The following ZNF143 variants were observed in gnomAD, a reference collection of about 807,000 sequenced individuals.
ZNF143 encodes the protein SPH-binding factor.
In ZNF143, 49 loss-of-function variants were observed where a neutral mutation model predicts 74.1. The ratio of observed to expected loss-of-function variants is 0.66; its 90% CI spans 0.53 to 0.84. ZNF143 has a LOEUF of 0.84. ZNF143 is among the 40% of genes least tolerant of loss of function. ZNF143 has a pLI of 0.00. For missense variants in ZNF143, 637 were observed against 793.4 expected (o/e 0.80, Z 2.37); for synonymous variants, 304 against 282.8 (o/e 1.07, Z -0.75).
Position 9,474,551 on chromosome 11 carries a change from A to G in ZNF143, c.291A>G (p.Thr97=). Residue 97 remains threonine, a splice_region_variant and synonymous_variant, in exon 5 of 16, where the codon ACA becomes ACG. Transcript: ENST00000396602. ...YVQHVPIPKS[T]GDSLRLEDGQ... is the part of the protein sequence containing the mutation. ...CTAAATGTAAGCATTGTTCTTGAGCAGGGGACAGTTTGCGTCTAGAGGATG... is the reference window on the plus strand; with the variant it reads ...CTAAATGTAAGCATTGTTCTTGAGCGGGGGACAGTTTGCGTCTAGAGGATG... The G allele has an allele frequency of 6.2e-7, 1 of 1,614,156 alleles. No homozygotes were observed. The highest frequency in any genetic ancestry group is 8.5e-7 in the Non-Finnish European group (1 of 1,180,000).
intron 14 of ZNF143, among the ~76,000 whole-genome samples, chr11:9,519,477 T>C (rs1435103997): frequency 6.6e-6 from 1 of 152,188 alleles, no homozygotes; most frequent in Non-Finnish European, 1.5e-5. Context: ...ATTACATAAA[T>C]GGAACCACAG....
At chr11:9,480,094 G>T (rs570594316) in intron 7 of ZNF143, among the ~76,000 whole-genome samples, 2 of 152,094 alleles carry the variant, frequency 1.3e-5, no homozygotes, top group Admixed American at 1.3e-4. Flanking sequence ...CTGGCTTCCC[G>T]TGGTTCAAAT....
intron 1 of ZNF143, among the ~76,000 whole-genome samples, chr11:9,466,586 A>G (rs1856230735): frequency 6.6e-6 from 1 of 150,484 alleles, no homozygotes; most frequent in Admixed American, 6.6e-5. Flanking sequence ...GTGAGCCACC[A>G]CTCCCGGCAT....
intron 13 of ZNF143, among the ~76,000 whole-genome samples, chr11:9,515,835 A>C (rs1046661807): frequency 1.3e-5 from 2 of 151,812 alleles, no homozygotes; most frequent in Non-Finnish European, 2.9e-5. Flanking sequence ...ATGACAAGTA[A>C]TTAGTCGGGA....
intron 14 of ZNF143, among the ~76,000 whole-genome samples, chr11:9,520,097 C>T (rs1848864182): frequency 7.3e-6 from 1 of 136,206 alleles, no homozygotes; most frequent in Non-Finnish European, 1.5e-5. Flanking sequence ...AGTGCAGTGG[C>T]CCAATCTCGG....
At chr11:9,509,478 A>G (rs553706831) in intron 12 of ZNF143, among the ~76,000 whole-genome samples, 2 of 152,356 alleles carry the variant, frequency 1.3e-5, no homozygotes, top group African/African-American at 4.8e-5. Context: ...ATTATTTCAG[A>G]TAAATAAGCA....
rs1491546428 is a variant in ZNF143, at chr11:9,486,414, T to TATATATAATATATATTATATATATA, written c.645+6874_645+6875insAATATATATTATATATATAATATAT. Among the ~76,000 whole-genome samples the TATATATAATATATATTATATATATA allele has an allele frequency of 2.5e-3, 60 of 24,012 alleles. 9 individuals carry two copies. The highest frequency in any genetic ancestry group is 5.0e-3 in the East Asian group (6 of 1,202). 15.8% of individuals were successfully genotyped at this position (24,012 alleles called of 152,430 possible). A position where few individuals can be genotyped will look rare whatever the true frequency, so the allele number is the denominator to read the frequency against. On this transcript the variant is annotated intron_variant, in intron 7 of 15. Transcript: ENST00000396602. ...TATATATAATATATTATATATATAA[T>TATATATAATATATATTATATATATA]ATATATTATATATATTATATATATA... is the stretch of plus-strand genomic sequence containing the variant.
chr11:9,508,798 A>C lies in ZNF143; in HGVS notation c.1327A>C (p.Thr443Pro). 6.2e-7 allele frequency: 1 copy of C among 1,608,960 alleles called. No homozygotes were observed. The highest frequency in any genetic ancestry group is 8.5e-7 in the Non-Finnish European group (1 of 1,177,342). Residue 443 changes from threonine to proline, a missense_variant, in exon 12 of 16, where the codon ACT (threonine) becomes CCT (proline). Thr to Pro is a conservative substitution (Grantham distance 38). Coordinates refer to ENST00000396602, the MANE Select transcript of ZNF143 (RefSeq NM_003442.6). ...GCACAAACGGACAGCCCACAACGAC[A>C]CTGAGCCCATCGAGGAGGAGCAGGA... ...AMHKRTAHND[T>P]EPIEEEQEAF... is the part of the protein sequence containing the mutation.
At chr11:9,483,451 C>G (rs754994191) in intron 7 of ZNF143, among the ~76,000 whole-genome samples, 4 of 149,910 alleles carry the variant, frequency 2.7e-5, no homozygotes, top group African/African-American at 7.5e-5. Flanking sequence ...CACATGCCAC[C>G]GTGCCTGTCT....
intron 1 of ZNF143, among the ~76,000 whole-genome samples, chr11:9,470,027 A>G (rs1220564647): frequency 1.3e-5 from 2 of 152,204 alleles, no homozygotes; most frequent in Non-Finnish European, 2.9e-5. Context: ...TTAAATATTG[A>G]TGCTAAGTCA....
At chr11:9,488,615 C>G (rs144083357) in intron 7 of ZNF143, among the ~76,000 whole-genome samples, 42 of 152,262 alleles carry the variant, frequency 2.8e-4, no homozygotes, top group African/African-American at 9.9e-4. Flanking sequence ...CCTGTTAGAT[C>G]TTTTCATAGA....
chr11:9,519,076 A>G (rs1387155143), intron 14 of ZNF143, among the ~76,000 whole-genome samples: 1 of 152,212 alleles, frequency 6.6e-6, no homozygotes, highest in Non-Finnish European at 1.5e-5. Flanking sequence ...GAGTTATGTT[A>G]AATATGCACC....
chr11:9,508,193 C>T (rs181805900), intron 11 of ZNF143, among the ~76,000 whole-genome samples: 3 of 152,294 alleles, frequency 2.0e-5, no homozygotes, highest in East Asian at 1.9e-4. Flanking sequence ...GTTTAATAGA[C>T]TTTTAAAGAC....
At chr11:9,482,962 T>G (rs1847307470) in intron 7 of ZNF143, among the ~76,000 whole-genome samples, 1 of 151,412 alleles carries the variant, frequency 6.6e-6, no homozygotes, top group Admixed American at 6.6e-5. Context: ...TTCAATTGGT[T>G]ACTAGAGATT....
chr11:9,502,358 C>G (rs1848197894), intron 11 of ZNF143, among the ~76,000 whole-genome samples: 1 of 147,076 alleles, frequency 6.8e-6, no homozygotes, highest in Admixed American at 6.9e-5. Flanking sequence ...GCCTGTAATC[C>G]CAGCACTTTG....
At chr11:9,476,587 G>T (rs894784726) in intron 5 of ZNF143, among the ~76,000 whole-genome samples, 3 of 151,624 alleles carry the variant, frequency 2.0e-5, no homozygotes, top group African/African-American at 4.8e-5. Context: ...GGTCAGGCTG[G>T]TCTCAAACTC....
intron 1 of ZNF143, among the ~76,000 whole-genome samples, chr11:9,464,086 T>TGTGTGTGTG (rs1565016580): frequency 8.1e-6 from 1 of 124,016 alleles, no homozygotes; most frequent in Non-Finnish European, 1.8e-5. Context: ...GTGTGTGTGT[T>TGTGTGTGTG]TGTGTGTGTG....
chr11:9,477,810 T>G (rs1380783510), intron 5 of ZNF143, among the ~76,000 whole-genome samples: 1 of 152,082 alleles, frequency 6.6e-6, no homozygotes, highest in African/African-American at 2.4e-5. Context: ...TTAGTGTTTT[T>G]TCTTTGTTTG....
chr11:9,523,446 A>G (rs1849009446), intron 14 of ZNF143, among the ~76,000 whole-genome samples: 1 of 152,062 alleles, frequency 6.6e-6, no homozygotes, highest in Admixed American at 6.6e-5. Context: ...GGTCTTAAGG[A>G]TTTGAGGCCG....
Sources: allele counts gnomAD v4.1 joint callset (sites outside exome capture counted in the v4.1 genomes callset), GRCh38; gene constraint gnomAD v4.1.1; transcripts MANE v1.5; gene names NCBI Gene and HGNC (gene_info 2026-07-23, HGNC 2026-07-21).